PXDNL: variants seen among roughly 807,000 people sequenced by gnomAD.
PXDNL encodes the protein probable oxidoreductase PXDNL.
A neutral mutation model predicts 150.8 loss-of-function variants in PXDNL; 145 were observed. That is an observed-to-expected ratio of 0.96 (90% CI 0.84 to 1.10). The LOEUF is 1.10. PXDNL is among the 50% of genes least tolerant of loss of function. PXDNL has a pLI of 0.00. For missense variants in PXDNL, 2,087 were observed against 1,873.9 expected (o/e 1.11, Z -2.10); for synonymous variants, 757 against 725.7 (o/e 1.04, Z -0.69).
intron 1 of PXDNL, among the ~76,000 whole-genome samples, chr8:51,755,860 A>T (rs1475946113): frequency 6.6e-6 from 1 of 152,212 alleles, no homozygotes; most frequent in African/African-American, 2.4e-5. Context: ...CTAAGTCAGC[A>T]GCAACTGTCA....
intron 2 of PXDNL, among the ~76,000 whole-genome samples, chr8:51,644,648 G>T (rs1814877806): frequency 6.6e-6 from 1 of 151,016 alleles, no homozygotes; most frequent in Non-Finnish European, 1.5e-5. Context: ...TAGTAGAGAT[G>T]GGGTTTCACC....
At chr8:51,624,097 T>TGC (rs1431829305) in intron 2 of PXDNL, among the ~76,000 whole-genome samples, 2 of 17,682 alleles carry the variant, frequency 1.1e-4, no homozygotes, top group East Asian at 2.8e-3. Context: ...TGTCTCAAAT[T>TGC]ACAAAAAAAA....
intron 4 of PXDNL, among the ~76,000 whole-genome samples, chr8:51,510,346 C>T (rs1341329608): frequency 3.9e-5 from 6 of 152,186 alleles, no homozygotes; most frequent in Admixed American, 3.9e-4. Flanking sequence ...TCTTACCAAA[C>T]ATGAGTTTCT....
At chr8:51,784,129 T>G (rs1186277710) in intron 1 of PXDNL, among the ~76,000 whole-genome samples, 1 of 152,216 alleles carries the variant, frequency 6.6e-6, no homozygotes, top group African/African-American at 2.4e-5. Context: ...TGTAAAGTCT[T>G]TTGAGACCAA....
chr8:51,662,251 G>A (rs1054114807), intron 1 of PXDNL, among the ~76,000 whole-genome samples: 2 of 152,212 alleles, frequency 1.3e-5, no homozygotes, highest in African/African-American at 4.8e-5. Context: ...CGGGCATGGT[G>A]GCTCATACCT....
At chr8:51,519,932 A>G (rs1290302211) in intron 4 of PXDNL, among the ~76,000 whole-genome samples, 1 of 152,230 alleles carries the variant, frequency 6.6e-6, no homozygotes, top group Non-Finnish European at 1.5e-5. Flanking sequence ...TCAGGCAGAA[A>G]AAAACCACCT....
Position 51,319,950 on chromosome 8 carries a change from T to A in PXDNL, c.4333A>T (p.Thr1445Ser). ...CGGTCTCTGCAAACTGGACAGCAGG[T>A]TCCTTTCACCAATTCAGGACTGGGA... is the stretch of plus-strand genomic sequence containing the variant. ...PCPSPELVKG[T>S]CCPVCRDRGM... The change falls in exon 23 of 23, where the codon ACC (threonine) becomes TCC (serine). Residue 1445 changes from threonine to serine, a missense_variant. Thr to Ser is a moderately conservative substitution (Grantham distance 58). Coordinates refer to ENST00000356297, the MANE Select transcript of PXDNL (RefSeq NM_144651.5). 1 of 1,579,846 alleles carries A rather than the reference T, an allele frequency of 6.3e-7. No individual in the cohort carries two copies. The highest frequency in any genetic ancestry group is 2.3e-5 in the East Asian group (1 of 43,070).
chr8:51,455,129 A>AAAAAAAAAAAAC (rs1809908200), intron 9 of PXDNL, among the ~76,000 whole-genome samples: 1 of 92,948 alleles, frequency 1.1e-5, no homozygotes, highest in Non-Finnish European at 2.0e-5. Flanking sequence ...AAAAAAAAAA[A>AAAAAAAAAAAAC]AAAAGAGGTA....
intron 19 of PXDNL, among the ~76,000 whole-genome samples, chr8:51,346,590 G>A (rs989959549): frequency 6.6e-6 from 1 of 152,224 alleles, no homozygotes; most frequent in African/African-American, 2.4e-5. Context: ...AATTCCCAGT[G>A]TTGGTGGAGC....
At position 51,593,033 on chromosome 8, in the gene PXDNL, C is replaced by T. The variant is rs1813479357; in HGVS notation, c.237-335G>A. ...AGTCATGGTAACAAAGGAACATATT[C>T]CTAAACAGATGGAGAGTATTGAACA... is the stretch of plus-strand genomic sequence containing the variant. On this transcript the variant is annotated intron_variant, in intron 2 of 22. Transcript: ENST00000356297. Among the ~76,000 whole-genome samples the T allele has an allele frequency of 2.0e-5, 3 of 152,022 alleles. No individual in the cohort carries two copies. In the South Asian group the frequency reaches 6.2e-4, roughly 32 times the overall value.
chr8:51,337,669 G>T (rs1330252957), intron 21 of PXDNL, among the ~76,000 whole-genome samples: 1 of 151,928 alleles, frequency 6.6e-6, no homozygotes, highest in Non-Finnish European at 1.5e-5. Flanking sequence ...CTGAGGTCAG[G>T]AGTTTGAGAC....
chr8:51,590,176 A>G (rs1049085706), intron 3 of PXDNL, among the ~76,000 whole-genome samples: 3 of 152,108 alleles, frequency 2.0e-5, no homozygotes, highest in African/African-American at 7.2e-5. Flanking sequence ...GCATGCAGTA[A>G]GCCTTGACAG....
At chr8:51,701,626 A>G (rs1358477180) in intron 1 of PXDNL, among the ~76,000 whole-genome samples, 1 of 152,146 alleles carries the variant, frequency 6.6e-6, no homozygotes, top group Non-Finnish European at 1.5e-5. Context: ...TGCATTCCAC[A>G]TTGCTGTAAT....
chr8:51,448,673 C>G (rs1057367939), intron 11 of PXDNL, among the ~76,000 whole-genome samples: 5 of 151,252 alleles, frequency 3.3e-5, no homozygotes, highest in African/African-American at 1.2e-4. Context: ...GCACTCCAGC[C>G]TGGGCGACAG....
chr8:51,451,055 G>A (rs76000226), intron 10 of PXDNL, among the ~76,000 whole-genome samples: 2,117 of 151,812 alleles, frequency 0.014, 37 homozygotes, highest in East Asian at 0.081. Flanking sequence ...ATGTAGTCCT[G>A]GTTCTAGTGT....
chr8:51,427,050 T>G (rs976875278), intron 12 of PXDNL, among the ~76,000 whole-genome samples: 1 of 152,202 alleles, frequency 6.6e-6, no homozygotes, highest in Non-Finnish European at 1.5e-5. Flanking sequence ...ACTTTCATTA[T>G]TCTTTCTCAG....
chr8:51,692,357 A>T (rs10958295), intron 1 of PXDNL, among the ~76,000 whole-genome samples: 97,077 of 152,102 alleles, frequency 0.64, 33,099 homozygotes, highest in East Asian at 0.81. Context: ...ATATTAAATC[A>T]TTTAAAATAT....
At chr8:51,493,814 C>T (rs1180844747) in intron 5 of PXDNL, among the ~76,000 whole-genome samples, 7 of 152,188 alleles carry the variant, frequency 4.6e-5, no homozygotes, top group Non-Finnish European at 1.0e-4. Flanking sequence ...ACTAGTGTAC[C>T]TGAAAGTGAC....
At chr8:51,381,515 C>T (rs1807538227) in intron 17 of PXDNL, among the ~76,000 whole-genome samples, 1 of 152,108 alleles carries the variant, frequency 6.6e-6, no homozygotes, top group South Asian at 2.1e-4. Flanking sequence ...GTACTGCCCC[C>T]CAGTATCTGC....
Sources: allele counts gnomAD v4.1 joint callset (sites outside exome capture counted in the v4.1 genomes callset), GRCh38; gene constraint gnomAD v4.1.1; transcripts MANE v1.5; gene names NCBI Gene and HGNC (gene_info 2026-07-23, HGNC 2026-07-21).